Variants in NRCAM observed in about 807,000 individuals in gnomAD.
The protein encoded by NRCAM is neuronal cell adhesion molecule.
NRCAM carries 83 observed loss-of-function variants against 156.5 expected under a neutral mutation model. That is an observed-to-expected ratio of 0.53 (90% CI 0.44 to 0.64). The LOEUF is 0.64. Among genes scored for constraint, NRCAM ranks in the 30% least tolerant of loss-of-function variants. The probability of loss-of-function intolerance (pLI) is 0.00; values close to 1 mark genes in which losing one functional copy is unlikely to be tolerated. For missense variants in NRCAM, 1,417 were observed against 1,597.3 expected, an observed-to-expected ratio of 0.89 and a Z score of 1.92; for synonymous variants, 538 against 563.9, an observed-to-expected ratio of 0.95 and a Z score of 0.65.
chr7:108,368,126 C>T, intron 2 of NRCAM, among the ~76,000 whole-genome samples: 1 of 151,914 alleles, frequency 6.6e-6, no homozygotes, highest in Non-Finnish European at 1.5e-5. Context: ...TATCTTGATC[C>T]TCACCAGGTT....
chr7:108,281,548 C>T (rs1467786484), intron 3 of NRCAM, among the ~76,000 whole-genome samples: 2 of 152,304 alleles, frequency 1.3e-5, no homozygotes, highest in South Asian at 2.1e-4. Context: ...TGAATTGGAT[C>T]TTGGCAAAAA....
chr7:108,271,261 C>T (rs1269662), intron 3 of NRCAM, among the ~76,000 whole-genome samples: 100,202 of 152,008 alleles, frequency 0.66, 33,428 homozygotes, highest in East Asian at 0.95. Flanking sequence ...CTCCACACTT[C>T]CAGTAACAGG....
At chr7:108,440,506 C>T (rs1343514591) in intron 1 of NRCAM, among the ~76,000 whole-genome samples, 1 of 152,162 alleles carries the variant, frequency 6.6e-6, no homozygotes, top group East Asian at 1.9e-4. Flanking sequence ...TCACTTCAGA[C>T]ACAAGAACAC....
chr7:108,181,065 T>G (rs534776724), intron 24 of NRCAM, among the ~76,000 whole-genome samples: 1 of 152,184 alleles, frequency 6.6e-6, no homozygotes. Flanking sequence ...GAGAGATGGA[T>G]AAGAAAGTAC....
intron 1 of NRCAM, among the ~76,000 whole-genome samples, chr7:108,417,213 CTTAG>C (rs1337037837): frequency 9.9e-5 from 15 of 152,152 alleles, no homozygotes; most frequent in African/African-American, 3.4e-4. Context: ...ATGGAGATGT[CTTAG>C]TTTGTTTGAA....
At chr7:108,316,497 C>T (rs951002628) in intron 2 of NRCAM, among the ~76,000 whole-genome samples, 12 of 152,028 alleles carry the variant, frequency 7.9e-5, no homozygotes, top group African/African-American at 1.9e-4. Context: ...AAGTTCAGGC[C>T]GGGCACGGTG....
chr7:108,304,389 C>T (rs1287416809), intron 3 of NRCAM, among the ~76,000 whole-genome samples: 2 of 147,296 alleles, frequency 1.4e-5, no homozygotes, highest in Non-Finnish European at 1.5e-5. Flanking sequence ...CTATTCCATG[C>T]TTTTTTTTTT....
chr7:108,449,515 C>T (rs1173664235), intron 1 of NRCAM, among the ~76,000 whole-genome samples: 2 of 152,168 alleles, frequency 1.3e-5, no homozygotes, highest in Admixed American at 6.5e-5. Flanking sequence ...GCAGCGGACT[C>T]GCTCGCAAGC....
chr7:108,177,973 T>A lies in NRCAM; in HGVS notation c.2974+17A>T. On this transcript the variant is annotated intron_variant, in intron 26 of 32. Coordinates refer to ENST00000379028, the MANE Select transcript of NRCAM (RefSeq NM_001037132.4). Reference sequence around the variant, plus strand: ...TAAAAAAACATATTTCCCCTTCTCTTCCTCCCAACAGCTTACTTGGCTGAT... The same window carrying A: ...TAAAAAAACATATTTCCCCTTCTCTACCTCCCAACAGCTTACTTGGCTGAT... 1 of 1,575,682 alleles carries A rather than the reference T, an allele frequency of 6.3e-7. No individual in the cohort carries two copies. Among genetic ancestry groups the A allele is most frequent in the Non-Finnish European group, 8.6e-7 (1 of 1,164,306 alleles).
chr7:108,336,735 A>G (rs1346938147), intron 2 of NRCAM, among the ~76,000 whole-genome samples: 1 of 152,242 alleles, frequency 6.6e-6, no homozygotes, highest in Non-Finnish European at 1.5e-5. Context: ...AAATTCATGT[A>G]AACAACTGAA....
At chr7:108,335,173 G>A (rs750048920) in intron 2 of NRCAM, among the ~76,000 whole-genome samples, 28 of 152,138 alleles carry the variant, frequency 1.8e-4, no homozygotes, top group Non-Finnish European at 3.4e-4. Flanking sequence ...TAGTGTTAGT[G>A]CACTCTCTTT....
intron 4 of NRCAM, 122 bp from the exon 5 acceptor site, chr7:108,237,891 T>A: frequency 3.1e-6 from 2 of 643,388 alleles, no homozygotes; most frequent in African/African-American, 1.9e-5. Context: ...TGATTTGATC[T>A]AAGAAAACCT....
intron 1 of NRCAM, among the ~76,000 whole-genome samples, chr7:108,449,539 A>G (rs1447354740): frequency 1.3e-5 from 2 of 152,232 alleles, no homozygotes; most frequent in African/African-American, 4.8e-5. Flanking sequence ...CCTTCCTCAA[A>G]GAACCAAAAA....
At chr7:108,244,973 GA>G (rs2095809371) in intron 3 of NRCAM, among the ~76,000 whole-genome samples, 1 of 152,134 alleles carries the variant, frequency 6.6e-6, no homozygotes, top group Non-Finnish European at 1.5e-5. Flanking sequence ...TAACAGACAA[GA>G]AAATAATCCA....
At chr7:108,375,456 C>A (rs1015060406) in intron 2 of NRCAM, among the ~76,000 whole-genome samples, 1 of 152,130 alleles carries the variant, frequency 6.6e-6, no homozygotes, top group East Asian at 1.9e-4. Context: ...AATGTTAGCA[C>A]ATTTCCTAGT....
chr7:108,180,149 G>T, intron 25 of NRCAM, 74 bp downstream of exon 25: 1 of 1,281,648 alleles, frequency 7.8e-7, no homozygotes, highest in Non-Finnish European at 1.1e-6. Context: ...TTGATCAGTA[G>T]CCCTTCTGTC....
intron 2 of NRCAM, among the ~76,000 whole-genome samples, chr7:108,381,561 CTTTTTTTTTTTTTTT>C (rs2099701330): frequency 7.9e-6 from 1 of 125,894 alleles, no homozygotes; most frequent in Admixed American, 8.3e-5. Flanking sequence ...TTTTTTTTTT[CTTTTTTTTTTTTTTT>C]GAGACAGAGT....
intron 1 of NRCAM, among the ~76,000 whole-genome samples, chr7:108,425,644 A>G (rs1311452290): frequency 1.3e-5 from 2 of 152,252 alleles, no homozygotes; most frequent in East Asian, 1.9e-4. Flanking sequence ...TCCACCGAAC[A>G]GATCCAAATT....
intron 1 of NRCAM, among the ~76,000 whole-genome samples, chr7:108,444,039 A>T (rs1339249584): frequency 6.6e-6 from 1 of 152,186 alleles, no homozygotes; most frequent in Non-Finnish European, 1.5e-5. Flanking sequence ...GCATCTGTAG[A>T]TTCAACCAAT....
Sources: allele counts gnomAD v4.1 joint callset (sites outside exome capture counted in the v4.1 genomes callset), GRCh38; gene constraint gnomAD v4.1.1; transcripts MANE v1.5; gene names NCBI Gene and HGNC (gene_info 2026-07-23, HGNC 2026-07-21).